Variants in DNAH14 observed in about 807,000 individuals in gnomAD.
DNAH14 encodes dynein axonemal heavy chain 14.
In DNAH14, 478 loss-of-function variants were observed where a neutral mutation model predicts 520.9. The ratio of observed to expected loss-of-function variants is 0.92; its 90% confidence interval spans 0.85 to 0.99. The LOEUF (loss-of-function observed/expected upper bound fraction) is 0.99. Among genes scored for constraint, DNAH14 ranks in the 50% least tolerant of loss-of-function variants. DNAH14 has a pLI of 0.00. For synonymous variants in DNAH14, 1,581 were observed against 1,757.2 expected (o/e 0.90, Z 2.51); for missense variants, 4,831 against 5,234.5 (o/e 0.92, Z 2.38).
intron 56 of DNAH14, among the ~76,000 whole-genome samples, chr1:225,301,233 C>T (rs1056073679): frequency 2.0e-5 from 3 of 152,116 alleles, no homozygotes; most frequent in African/African-American, 7.2e-5. Flanking sequence ...GCCTGTCTGG[C>T]TATCAATGGT....
chr1:224,929,897 G>T lies in DNAH14; in HGVS notation c.-34+62G>T, dbSNP rs369979710. On this transcript the variant is annotated intron_variant, in intron 1 of 85. Coordinates refer to ENST00000682510, the MANE Select transcript of DNAH14 (RefSeq NM_001367479.1). ...GAGCCTCGGCGGGCGGGCGGCGCGT[G>T]GGGCAGCCGGTGTCGCACTGGGAGG... 1.7e-3 allele frequency: 1,005 copies of T among 606,576 alleles called. 7 individuals are homozygous for T. The African/African-American group carries it at 0.017, about 10-fold the overall frequency. 37.6% of individuals were successfully genotyped at this position (606,576 alleles called of 1,614,324 possible). A position where few individuals can be genotyped will look rare whatever the true frequency, so the allele number is the denominator to read the frequency against.
chr1:224,994,860 G>T (rs541526478), intron 8 of DNAH14, among the ~76,000 whole-genome samples: 3 of 152,020 alleles, frequency 2.0e-5, no homozygotes, highest in Admixed American at 2.0e-4. Context: ...GTTACCATGA[G>T]GCTTACATAA....
chr1:225,025,842 A>T (rs1235663699), intron 11 of DNAH14, among the ~76,000 whole-genome samples: 1 of 152,182 alleles, frequency 6.6e-6, no homozygotes, highest in Non-Finnish European at 1.5e-5. Flanking sequence ...TCATTGTTGA[A>T]TCTGTTTCCA....
intron 32 of DNAH14, 103 bp from the exon 33 acceptor site, chr1:225,152,594 A>G: frequency 1.9e-6 from 2 of 1,068,700 alleles, no homozygotes; most frequent in Non-Finnish European, 2.6e-6. Context: ...GATAAAGGTC[A>G]CACAGAACAC....
At chr1:225,070,706 G>A (rs1008824943) in intron 17 of DNAH14, among the ~76,000 whole-genome samples, 2 of 152,104 alleles carry the variant, frequency 1.3e-5, no homozygotes, top group Non-Finnish European at 2.9e-5. Context: ...AGAGTTCTGT[G>A]GGTATGTCTC....
chr1:225,011,072 A>G (rs1558673286), intron 10 of DNAH14, among the ~76,000 whole-genome samples: 1 of 147,714 alleles, frequency 6.8e-6, no homozygotes, highest in Non-Finnish European at 1.5e-5. Flanking sequence ...TGATTTTTTG[A>G]ACTTTTTTTG....
intron 9 of DNAH14, among the ~76,000 whole-genome samples, chr1:225,004,612 C>T (rs2064024787): frequency 6.6e-6 from 1 of 152,152 alleles, no homozygotes; most frequent in Non-Finnish European, 1.5e-5. Flanking sequence ...AGGGGCACTC[C>T]TAGTGGTGAT....
chr1:225,303,334 T>C lies in DNAH14; in HGVS notation c.8810T>C (p.Phe2937Ser). The C allele has an allele frequency of 1.3e-6, 2 of 1,546,456 alleles. No individual in the cohort carries two copies. Among genetic ancestry groups the C allele is most frequent in the Non-Finnish European group, 1.7e-6 (2 of 1,145,552 alleles). The change falls in exon 57 of 86, where the codon TTT (phenylalanine) becomes TCT (serine). Residue 2937 changes from phenylalanine (F) to serine (S), a missense_variant. Coordinates refer to ENST00000682510, the MANE Select transcript of DNAH14 (RefSeq NM_001367479.1). ...ANSFLKEKVNFENRENLKEKL... is the reference protein window; with the variant it reads ...ANSFLKEKVNSENRENLKEKL... Reference sequence around the variant, plus strand: ...TCATTCTTAAAAGAAAAGGTCAATTTTGAGAACAGAGAGGTAAATATCTAA... The same window carrying C: ...TCATTCTTAAAAGAAAAGGTCAATTCTGAGAACAGAGAGGTAAATATCTAA...
At chr1:225,102,255 A>G (rs1338533775) in intron 23 of DNAH14, among the ~76,000 whole-genome samples, 1 of 151,834 alleles carries the variant, frequency 6.6e-6, no homozygotes. Context: ...ATTCCATGGT[A>G]TATATGTGCC....
chr1:225,117,305 A>G (rs1435968206), intron 23 of DNAH14, among the ~76,000 whole-genome samples: 1 of 151,876 alleles, frequency 6.6e-6, no homozygotes, highest in Non-Finnish European at 1.5e-5. Flanking sequence ...AGTCAGAAGT[A>G]TGGGAAAGCA....
In DNAH14 at chr1:225,308,395, G is replaced by A. The variant is rs1244095650; in HGVS notation, c.9225G>A (p.Val3075=). 2.0e-6 allele frequency: 3 copies of A among 1,532,428 alleles called. No individual in the cohort carries two copies. The South Asian group carries it at 3.8e-5, about 19-fold the overall frequency. 94.9% of individuals were successfully genotyped at this position (1,532,428 alleles called of 1,614,324 possible). A position where few individuals can be genotyped will look rare whatever the true frequency, so the allele number is the denominator to read the frequency against. The change falls in exon 60 of 86, where the codon GTG becomes GTA. Residue 3075 remains valine, a synonymous_variant. Coordinates refer to ENST00000682510, the MANE Select transcript of DNAH14 (RefSeq NM_001367479.1). ...TTGTGGCAGAAGAAGTAAGAATTGT[G>A]GAAGATTATGCTCAGGTAAAATTAA... The part of the protein sequence containing the change: ...EEIVAEEVRI[V]EDYAQKTANE...
At chr1:225,141,531 G>A (rs1167621931) in intron 28 of DNAH14, among the ~76,000 whole-genome samples, 1 of 152,032 alleles carries the variant, frequency 6.6e-6, no homozygotes, top group Non-Finnish European at 1.5e-5. Flanking sequence ...GGACATTACT[G>A]CACCCTACTA....
At chr1:225,078,018 G>A (rs2072507562) in intron 17 of DNAH14, among the ~76,000 whole-genome samples, 1 of 151,942 alleles carries the variant, frequency 6.6e-6, no homozygotes, top group South Asian at 2.1e-4. Context: ...AATTATGCAG[G>A]CATACTCCTT....
chr1:225,380,156 C>G lies in DNAH14; in HGVS notation c.12717-3C>G, dbSNP rs1558580884. On this transcript the variant is annotated splice_polypyrimidine_tract_variant and splice_region_variant and intron_variant, in intron 79 of 85. Coordinates refer to ENST00000682510, the MANE Select transcript of DNAH14 (RefSeq NM_001367479.1). ...CTCATTCTTCTCTTGGTTTTTTTTG[C>G]AGACCTGAGCAGAGTAAGGATGAAC... is the stretch of plus-strand genomic sequence containing the variant. 7 of 1,537,820 alleles carry G rather than the reference C, an allele frequency of 4.6e-6. No homozygotes were observed. In the South Asian group the frequency reaches 7.3e-5, roughly 16 times the overall value.
At chr1:225,389,659 G>A (rs1183178506) in intron 82 of DNAH14, 75 bp from the exon 83 acceptor site, 1 of 1,467,388 alleles carries the variant, frequency 6.8e-7, no homozygotes, top group Non-Finnish European at 9.2e-7. Flanking sequence ...GCCCTGGGAG[G>A]AAATGGCCCA....
intron 66 of DNAH14, among the ~76,000 whole-genome samples, chr1:225,335,509 ATACATATG>A: frequency 7.6e-6 from 1 of 132,250 alleles, no homozygotes; most frequent in African/African-American, 3.0e-5. Flanking sequence ...ATGTACACAT[ATACATATG>A]TACATATATA....
intron 41 of DNAH14, among the ~76,000 whole-genome samples, chr1:225,220,727 CCAA>C (rs1368370508): frequency 9.9e-5 from 15 of 152,104 alleles, no homozygotes; most frequent in African/African-American, 3.6e-4. Context: ...GCCATACTGC[CCAA>C]AATAATTTAT....
rs1437509158 is a variant in DNAH14, at chr1:225,327,327, TA to T, written c.9723+2496del. ...CACCCACCACCACGCCCGGCTAATTTATTTTTTTTATTTTTAGTAGAGACGG... is the reference window on the plus strand; with the variant it reads ...CACCCACCACCACGCCCGGCTAATTTTTTTTTTTATTTTTAGTAGAGACGG... On this transcript the variant is annotated intron_variant, in intron 64 of 85. Coordinates refer to ENST00000682510, the MANE Select transcript of DNAH14 (RefSeq NM_001367479.1). Among the ~76,000 whole-genome samples, 90 of 151,878 alleles carry T rather than the reference TA, an allele frequency of 5.9e-4. 1 individual carries two copies. Among genetic ancestry groups the T allele is most frequent in the South Asian group, 5.4e-3 (26 of 4,804 alleles).
At position 224,984,749 on chromosome 1, in the gene DNAH14, A is replaced by C. The variant is rs12563866; in HGVS notation, c.830+10596A>C. 5.9e-5 allele frequency among the ~76,000 whole-genome samples: 9 copies of C among 152,266 alleles called. No individual in the cohort carries two copies. In the East Asian group the frequency reaches 1.7e-3, roughly 29 times the overall value. ...GACAAAGGACTAATATCCAGAATCT[A>C]CAATGAATTCCAACAAATCAGTAAG... is the stretch of plus-strand genomic sequence containing the variant. On this transcript the variant is annotated intron_variant, in intron 8 of 85. Coordinates refer to ENST00000682510, the MANE Select transcript of DNAH14 (RefSeq NM_001367479.1).
Sources: gnomAD v4.1 joint callset for allele counts (sites outside exome capture counted in the v4.1 genomes callset) on GRCh38, gnomAD v4.1.1 for gene constraint, MANE v1.5 for transcripts, NCBI Gene and HGNC (gene_info 2026-07-23, HGNC 2026-07-21) for gene names.